The following MARCHF8 variants were observed in gnomAD, a reference collection of about 807,000 sequenced individuals.
MARCHF8 encodes the protein E3 ubiquitin-protein ligase MARCHF8.
MARCHF8 carries 40 observed loss-of-function variants against 51.6 expected under a neutral mutation model. That is an observed-to-expected ratio of 0.77 (90% confidence interval 0.60 to 1.01). The LOEUF (loss-of-function observed/expected upper bound fraction) is 1.01, where lower values mean the gene tolerates loss of function less well. Ranked by LOEUF, MARCHF8 falls within the 50% of genes least tolerant of loss-of-function variation. MARCHF8 has a pLI of 0.00. For synonymous variants in MARCHF8, 263 were observed against 280.3 expected, an observed-to-expected ratio of 0.94 and a Z score of 0.62; for missense variants, 685 against 708.6, an observed-to-expected ratio of 0.97 and a Z score of 0.38.
intron 2 of MARCHF8, among the ~76,000 whole-genome samples, chr10:45,523,463 G>T (rs1034472142): frequency 2.0e-5 from 3 of 152,226 alleles, no homozygotes; most frequent in Admixed American, 1.3e-4. Flanking sequence ...GTTCAAGGCT[G>T]CAGTGAGCTA....
At chr10:45,496,587 T>C (rs933215640) in intron 2 of MARCHF8, among the ~76,000 whole-genome samples, 1 of 152,146 alleles carries the variant, frequency 6.6e-6, no homozygotes, top group African/African-American at 2.4e-5. Context: ...AATGCTCTCC[T>C]TTCCTTTATG....
At chr10:45,535,705 C>T (rs961076638), upstream of MARCHF8, among the ~76,000 whole-genome samples, 3 of 152,198 alleles carry the variant, frequency 2.0e-5, no homozygotes, top group African/African-American at 7.2e-5. Flanking sequence ...AAATACAAAT[C>T]ATATATTACA....
At chr10:45,563,600 T>C (rs1462712594) in intron 1 of MARCHF8, among the ~76,000 whole-genome samples, 1 of 152,162 alleles carries the variant, frequency 6.6e-6, no homozygotes. Context: ...AAAACCTTAA[T>C]TGTATTTTTA....
intron 3 of MARCHF8, among the ~76,000 whole-genome samples, chr10:45,473,565 A>C (rs2042733168): frequency 6.6e-6 from 1 of 152,206 alleles, no homozygotes; most frequent in African/African-American, 2.4e-5. Context: ...GTGTCTATGT[A>C]CTGCCCTTTT....
chr10:45,476,233 T>A (rs1263439363), intron 3 of MARCHF8, among the ~76,000 whole-genome samples: 1 of 152,220 alleles, frequency 6.6e-6, no homozygotes, highest in African/African-American at 2.4e-5. Context: ...AAGAAATTTA[T>A]GAAATCCCAA....
chr10:45,558,282 G>C (rs1026142325), intron 1 of MARCHF8, among the ~76,000 whole-genome samples: 2 of 152,092 alleles, frequency 1.3e-5, no homozygotes, highest in Non-Finnish European at 2.9e-5. Context: ...GGGATCTTGG[G>C]GAACGGACAT....
At chr10:45,533,648 G>C (rs753749288) in intron 1 of MARCHF8, among the ~76,000 whole-genome samples, 7 of 152,032 alleles carry the variant, frequency 4.6e-5, no homozygotes, top group African/African-American at 7.2e-5. Context: ...CCTGAAATAA[G>C]CAGTGATCTT....
intron 3 of MARCHF8, among the ~76,000 whole-genome samples, chr10:45,483,119 C>A (rs925709964): frequency 5.3e-5 from 8 of 152,100 alleles, no homozygotes; most frequent in Admixed American, 3.9e-4. Flanking sequence ...GCATAGGCAA[C>A]AAAACCAAAA....
At chr10:45,471,069 C>G (rs1348615958) in intron 3 of MARCHF8, among the ~76,000 whole-genome samples, 2 of 152,038 alleles carry the variant, frequency 1.3e-5, no homozygotes, top group Non-Finnish European at 2.9e-5. Context: ...TAAAACTGAC[C>G]ATTAAAAAAG....
At chr10:45,547,510 G>A (rs753863243) in intron 1 of MARCHF8, among the ~76,000 whole-genome samples, 6 of 152,112 alleles carry the variant, frequency 3.9e-5, no homozygotes, top group Middle Eastern at 3.2e-3. Context: ...GGATTCCAAG[G>A]TGCCAATTTC....
intron 1 of MARCHF8, among the ~76,000 whole-genome samples, chr10:45,557,679 TCA>T (rs2133356813): frequency 6.6e-6 from 1 of 152,094 alleles, no homozygotes; most frequent in African/African-American, 2.4e-5. Flanking sequence ...GGTTTCAGGG[TCA>T]CTCTAAACGG....
chr10:45,554,773 G>A (rs1471234543), intron 1 of MARCHF8, among the ~76,000 whole-genome samples: 1 of 152,170 alleles, frequency 6.6e-6, no homozygotes, highest in Non-Finnish European at 1.5e-5. Flanking sequence ...ATAAAATTAG[G>A]GCCGGGCGTG....
At chr10:45,592,697 C>A (rs36053776) in intron 1 of MARCHF8, among the ~76,000 whole-genome samples, 9,374 of 152,186 alleles carry the variant, frequency 0.062, 330 homozygotes, top group Non-Finnish European at 0.066. Flanking sequence ...TACTGACAAC[C>A]ATTAGGGTTT....
chr10:45,538,056 TAGAA>T (rs552329436), upstream of MARCHF8, among the ~76,000 whole-genome samples: 109 of 152,160 alleles, frequency 7.2e-4, no homozygotes, highest in African/African-American at 2.4e-3. Context: ...AAGAAGGCGA[TAGAA>T]AGAGTACAAA....
At chr10:45,533,757 CA>C (rs2043928652) in intron 1 of MARCHF8, among the ~76,000 whole-genome samples, 1 of 152,056 alleles carries the variant, frequency 6.6e-6, no homozygotes, top group Admixed American at 6.6e-5. Context: ...CTTAACCTTC[CA>C]AAAGTAGAGA....
chr10:45,572,539 A>T (rs1217910934), intron 1 of MARCHF8, among the ~76,000 whole-genome samples: 1 of 152,128 alleles, frequency 6.6e-6, no homozygotes, highest in Non-Finnish European at 1.5e-5. Flanking sequence ...GGCATTTTCG[A>T]TTTCTCCATC....
intron 1 of MARCHF8, among the ~76,000 whole-genome samples, chr10:45,580,254 A>G (rs1385396837): frequency 6.6e-6 from 1 of 152,176 alleles, no homozygotes; most frequent in Non-Finnish European, 1.5e-5. Context: ...ATATGACATA[A>G]TAAATGTTAA....
chr10:45,490,020 T>G (rs1050063169), intron 2 of MARCHF8, among the ~76,000 whole-genome samples: 1 of 152,224 alleles, frequency 6.6e-6, no homozygotes, highest in Admixed American at 6.5e-5. Context: ...TTCAGTCACA[T>G]AGTCTTGTAT....
At chr10:45,469,587 CA>C (rs1406183308) in intron 3 of MARCHF8, among the ~76,000 whole-genome samples, 3 of 152,070 alleles carry the variant, frequency 2.0e-5, no homozygotes, top group Non-Finnish European at 2.9e-5. Context: ...TACTTCTGGC[CA>C]GGCGCGGTGG....
Sources: gnomAD v4.1 joint callset for allele counts (sites outside exome capture counted in the v4.1 genomes callset) on GRCh38, gnomAD v4.1.1 for gene constraint, MANE v1.5 for transcripts, NCBI Gene and HGNC (gene_info 2026-07-23, HGNC 2026-07-21) for gene names.